The following HMCN1 variants were observed in gnomAD, a reference collection of about 807,000 sequenced individuals.
HMCN1 encodes hemicentin-1.
HMCN1 carries 321 observed loss-of-function variants against 625.9 expected under a neutral mutation model. The observed-to-expected ratio is 0.51, with a 90% CI of 0.47 to 0.56. The LOEUF is 0.56. Among genes scored for constraint, HMCN1 ranks in the 20% least tolerant of loss-of-function variants. The pLI is 0.00. For missense variants in HMCN1, 6,588 were observed against 6,887.3 expected (o/e 0.96, Z 1.54); for synonymous variants, 2,425 against 2,417.6 (o/e 1.00, Z -0.09).
At chr1:186,126,556 T>A (rs1661656270) in intron 82 of HMCN1, among the ~76,000 whole-genome samples, 1 of 152,034 alleles carries the variant, frequency 6.6e-6, no homozygotes, top group Non-Finnish European at 1.5e-5. Flanking sequence ...TAAATTCTCT[T>A]TGGGAAGGTG....
In HMCN1 at chr1:186,125,774, C is replaced by G; in HGVS notation, c.12670C>G (p.Leu4224Val). ...GKYTAEPYGE[L>V]ILENVVLEDS... ...ATACACTGCTGAACCATATGGAGAA[C>G]TCATTTTAGAAAATGTTGTGGTAAG... The change falls in exon 82 of 107, where the codon CTC (leucine) becomes GTC (valine). Residue 4224 changes from leucine to valine, a missense_variant. Physicochemically the swap from Leu to Val is conservative, Grantham distance 32 (BLOSUM62 1). Coordinates refer to ENST00000271588, the MANE Select transcript of HMCN1 (RefSeq NM_031935.3). 1 of 1,612,986 alleles carries G rather than the reference C, an allele frequency of 6.2e-7. No homozygotes were observed. Among genetic ancestry groups the G allele is most frequent in the African/African-American group, 1.3e-5 (1 of 74,970 alleles).
chr1:185,846,664 C>T (rs542930108), intron 2 of HMCN1, among the ~76,000 whole-genome samples: 57 of 152,096 alleles, frequency 3.7e-4, no homozygotes, highest in South Asian at 1.0e-3. Context: ...TTGGCTTTTC[C>T]GAGGCTGTTT....
intron 4 of HMCN1, among the ~76,000 whole-genome samples, chr1:185,902,536 C>G (rs904999801): frequency 2.0e-5 from 3 of 151,498 alleles, no homozygotes; most frequent in Non-Finnish European, 4.4e-5. Flanking sequence ...AATATATGTG[C>G]AATAGTGTTT....
chr1:186,095,345 G>A lies in HMCN1; in HGVS notation c.10397G>A (p.Ser3466Asn). 6.2e-7 allele frequency: 1 copy of A among 1,613,750 alleles called. No individual in the cohort carries two copies. The highest frequency in any genetic ancestry group is 8.5e-7 in the Non-Finnish European group (1 of 1,179,852). Reference protein sequence around the residue: ...ACITDGTPAPSMAWLRDGQPL... With the variant: ...ACITDGTPAPNMAWLRDGQPL... ...ATTACTGATGGAACCCCAGCTCCCA[G>A]TATGGCCTGGCTTAGAGATGGCCAG... The change falls in exon 68 of 107, where the codon AGT becomes AAT. Residue 3466 changes from serine (S) to asparagine (N), a missense_variant. Around this residue, in one of 3 missense-constraint regions of HMCN1, gnomAD observed 4,628 missense variants for 4,853.1 expected, o/e 0.95. Transcript: ENST00000271588.
intron 65 of HMCN1, 34 bp downstream of exon 65, chr1:186,093,292 C>G (rs1294717133): frequency 3.7e-6 from 6 of 1,612,672 alleles, no homozygotes; most frequent in South Asian, 2.2e-5. Flanking sequence ...TTTGATGATG[C>G]TGCCTTAAGA....
intron 80 of HMCN1, among the ~76,000 whole-genome samples, chr1:186,121,217 C>G (rs1457136521): frequency 1.3e-5 from 2 of 152,256 alleles, no homozygotes; most frequent in East Asian, 1.9e-4. Flanking sequence ...GAAAAGTAGG[C>G]AGGGCCCATG....
chr1:185,931,005 T>C (rs1204754436), intron 10 of HMCN1, among the ~76,000 whole-genome samples: 5 of 151,974 alleles, frequency 3.3e-5, no homozygotes, highest in African/African-American at 4.8e-5. Flanking sequence ...CAAGGGCATG[T>C]CAGTGACAGG....
intron 100 of HMCN1, among the ~76,000 whole-genome samples, chr1:186,167,638 A>G (rs2102625306): frequency 6.6e-6 from 1 of 152,312 alleles, no homozygotes; most frequent in South Asian, 2.1e-4. Flanking sequence ...TTCTTCACCG[A>G]ATCATGTCTG....
intron 67 of HMCN1, among the ~76,000 whole-genome samples, chr1:186,094,949 TACA>T (rs1388503690): frequency 6.6e-6 from 1 of 152,156 alleles, no homozygotes; most frequent in Non-Finnish European, 1.5e-5. Flanking sequence ...TTATATACAT[TACA>T]ACAAGTTAAA....
chr1:186,150,411 A>G (rs1650594638), intron 93 of HMCN1, among the ~76,000 whole-genome samples: 1 of 152,192 alleles, frequency 6.6e-6, no homozygotes, highest in Non-Finnish European at 1.5e-5. Context: ...CATAAAATTA[A>G]TGTTGAGGCC....
chr1:186,042,802 G>A (rs1028003928), intron 40 of HMCN1, among the ~76,000 whole-genome samples: 1 of 152,018 alleles, frequency 6.6e-6, no homozygotes, highest in African/African-American at 2.4e-5. Flanking sequence ...TATATTTGTA[G>A]TAGTAACCTT....
intron 4 of HMCN1, among the ~76,000 whole-genome samples, chr1:185,888,050 G>A (rs1309444188): frequency 3.5e-5 from 5 of 141,148 alleles, no homozygotes. Context: ...GCATTTCACT[G>A]ATGGCCAGTG....
In HMCN1 at chr1:185,989,031, G is replaced by T. The variant is rs1652200002; in HGVS notation, c.3049-457G>T. Among the ~76,000 whole-genome samples the T allele has an allele frequency of 5.0e-5, 6 of 121,158 alleles. No homozygotes were observed. In the South Asian group the frequency reaches 1.1e-3, roughly 22 times the overall value. The allele number at this position is 121,158 out of a possible 152,430, so 79.5% of individuals were successfully genotyped here. On this transcript the variant is annotated intron_variant, in intron 20 of 106. Coordinates refer to ENST00000271588, the MANE Select transcript of HMCN1 (RefSeq NM_031935.3). ...TTTTTTTTTTTTTTTTTTTTGAGATGGAGTCTCGCTCTGTCACACAGGCTG... is the reference window on the plus strand; with the variant it reads ...TTTTTTTTTTTTTTTTTTTTGAGATTGAGTCTCGCTCTGTCACACAGGCTG...
intron 4 of HMCN1, among the ~76,000 whole-genome samples, chr1:185,875,077 G>A (rs1190576303): frequency 6.6e-6 from 1 of 151,672 alleles, no homozygotes; most frequent in African/African-American, 2.4e-5. Flanking sequence ...GTATATGTCT[G>A]GTAAGATTGC....
At chr1:185,854,821 T>G (rs892904980) in intron 2 of HMCN1, among the ~76,000 whole-genome samples, 1 of 152,206 alleles carries the variant, frequency 6.6e-6, no homozygotes, top group Non-Finnish European at 1.5e-5. Context: ...AAAAATGCAT[T>G]TTTCCATTTT....
chr1:186,145,776 C>A lies in HMCN1; in HGVS notation c.14461C>A (p.His4821Asn), dbSNP rs1650279886. Residue 4821 changes from histidine (H) to asparagine (N), a missense_variant, in exon 93 of 107, where the codon CAT becomes AAT. By Grantham distance (68) the His-to-Asn change is moderately conservative (BLOSUM62 1). Transcript: ENST00000271588. Reference protein sequence around the residue: ...CPVDGSWGSWHSWSQCSASCG... With the variant: ...CPVDGSWGSWNSWSQCSASCG... Reference sequence around the variant, plus strand: ...AGTGGATGGAAGTTGGGGAAGCTGGCATAGTTGGAGCCAGTGCTCTGCCTC... The same window carrying A: ...AGTGGATGGAAGTTGGGGAAGCTGGAATAGTTGGAGCCAGTGCTCTGCCTC... The A allele has an allele frequency of 6.2e-7, 1 of 1,614,132 alleles. No homozygotes were observed. Among genetic ancestry groups the A allele is most frequent in the African/African-American group, 1.3e-5 (1 of 75,040 alleles).
At chr1:185,830,139 G>T (rs536984804) in intron 1 of HMCN1, among the ~76,000 whole-genome samples, 1 of 151,940 alleles carries the variant, frequency 6.6e-6, no homozygotes, top group African/African-American at 2.4e-5. Flanking sequence ...TGTAAATCCT[G>T]GATATTAGAC....
chr1:186,030,341 A>G (rs1006494126), intron 36 of HMCN1, among the ~76,000 whole-genome samples: 1 of 151,970 alleles, frequency 6.6e-6, no homozygotes, highest in African/African-American at 2.4e-5. Flanking sequence ...GAGTTTGTCA[A>G]TTTTTGTTCC....
intron 1 of HMCN1, among the ~76,000 whole-genome samples, chr1:185,793,062 G>A (rs1251662306): frequency 6.6e-6 from 1 of 152,088 alleles, no homozygotes; most frequent in East Asian, 1.9e-4. Flanking sequence ...TTGGTTTTGT[G>A]TAGATACATT....
Sources: gnomAD v4.1 joint callset for allele counts (sites outside exome capture counted in the v4.1 genomes callset) on GRCh38, gnomAD v4.1.1 for gene constraint, gnomAD v4.1.1 regional missense constraint, MANE v1.5 for transcripts, NCBI Gene and HGNC (gene_info 2026-07-23, HGNC 2026-07-21) for gene names.